Variants in TFAP4 observed in about 807,000 individuals in gnomAD.
TFAP4 encodes the protein activating enhancer-binding protein 4.
Under a neutral mutation model 40.4 loss-of-function variants are expected in TFAP4, and 7 were observed. The observed-to-expected ratio is 0.17, with a 90% CI of 0.10 to 0.33. The LOEUF (loss-of-function observed/expected upper bound fraction) is 0.33. Among genes scored for constraint, TFAP4 ranks in the 10% least tolerant of loss-of-function variants. TFAP4 has a pLI of 1.00. For synonymous variants in TFAP4, 218 were observed against 181.4 expected (o/e 1.20, Z -1.62); for missense variants, 374 against 451.1 (o/e 0.83, Z 1.55).
chr16:4,260,418 G>A lies in TFAP4; in HGVS notation c.666+37C>T, dbSNP rs74003265. On this transcript the variant is annotated intron_variant, in intron 5 of 6. Coordinates refer to ENST00000204517, the MANE Select transcript of TFAP4 (RefSeq NM_003223.3). The stretch of plus-strand genomic sequence containing the variant: ...ATTCAAGATCACCTGTCCCCTTCCC[G>A]GTCCCCAGAGCCCACTCCCGGGCGC... 2.6e-3 allele frequency: 4,029 copies of A among 1,538,916 alleles called. 101 individuals are homozygous for A. The African/African-American group carries it at 0.05, about 19-fold the overall frequency.
At position 4,260,230 on chromosome 16, in the gene TFAP4, C is replaced by A. The variant is rs201830089; in HGVS notation, c.682G>T (p.Ala228Ser). Residue 228 changes from alanine to serine, a missense_variant, in exon 6 of 7, where the codon GCC (alanine) becomes TCC (serine). Around this residue, in one of 6 missense-constraint regions of TFAP4, gnomAD observed 161 missense variants for 154.2 expected, o/e 1.04. Coordinates refer to ENST00000204517, the MANE Select transcript of TFAP4 (RefSeq NM_003223.3). Reference protein sequence around the residue: ...QLRTQLLPPPAPTHHPTVIVP... With the variant: ...QLRTQLLPPPSPTHHPTVIVP... ...ATCACCGTGGGGTGGTGGGTGGGGG[C>A]CGGAGGGGGCAGAAGCTGCAAGACA... is the stretch of plus-strand genomic sequence containing the variant. The A allele has an allele frequency of 6.5e-7, 1 of 1,546,782 alleles. No individual in the cohort carries two copies. Among genetic ancestry groups the A allele is most frequent in the Non-Finnish European group, 8.7e-7 (1 of 1,145,824 alleles).
At chr16:4,258,341 C>T in intron 6 of TFAP4, 92 bp from the exon 7 acceptor site, 3 of 1,273,510 alleles carry the variant, frequency 2.4e-6, no homozygotes, top group Non-Finnish European at 3.3e-6. Context: ...CTGTCACCCC[C>T]AAAACACATA....
chr16:4,267,476 G>A (rs1239784901), intron 1 of TFAP4, among the ~76,000 whole-genome samples: 2 of 152,230 alleles, frequency 1.3e-5, no homozygotes, highest in Non-Finnish European at 2.9e-5. Flanking sequence ...GGCAAGAGCC[G>A]CCACACCTAC....
intron 1 of TFAP4, among the ~76,000 whole-genome samples, chr16:4,272,189 G>A (rs1008625294): frequency 1.3e-4 from 19 of 151,536 alleles, no homozygotes; most frequent in Non-Finnish European, 2.4e-4. Context: ...CCCGCGCCGG[G>A]AGCCGCGGCA....
intron 1 of TFAP4, chr16:4,265,361 C>CCACTTTGGGAGG (rs2052984331): frequency 6.6e-6 from 1 of 152,386 alleles, no homozygotes; most frequent in African/African-American, 2.4e-5. Context: ...CACCTATAAT[C>CCACTTTGGGAGG]CTAGCACTTT....
intron 1 of TFAP4, chr16:4,266,899 T>C (rs1004162960): frequency 6.6e-6 from 1 of 152,290 alleles, no homozygotes; most frequent in Non-Finnish European, 1.5e-5. Flanking sequence ...TCTCGCTCTA[T>C]TGCCCAGGCT....
intron 1 of TFAP4, among the ~76,000 whole-genome samples, chr16:4,268,982 G>A (rs1280717405): frequency 1.3e-5 from 2 of 152,046 alleles, no homozygotes; most frequent in African/African-American, 4.8e-5. Flanking sequence ...CCAATTCCCA[G>A]GCTCAAGCCA....
chr16:4,265,609 C>CAAAAAAAAAAA (rs71394667), intron 1 of TFAP4: 4 of 39,092 alleles, frequency 1.0e-4, no homozygotes, highest in African/African-American at 3.3e-4. Flanking sequence ...GACCTTGTCT[C>CAAAAAAAAAAA]AAAAAAAAAA....
intron 1 of TFAP4, among the ~76,000 whole-genome samples, chr16:4,268,975 A>G (rs796309506): frequency 5.3e-5 from 8 of 151,516 alleles, no homozygotes; most frequent in South Asian, 2.1e-4. Context: ...GCAATCTCCA[A>G]TTCCCAGGCT....
At chr16:4,267,891 C>T (rs563735601) in intron 1 of TFAP4, among the ~76,000 whole-genome samples, 1 of 152,310 alleles carries the variant, frequency 6.6e-6, no homozygotes, top group East Asian at 1.9e-4. Flanking sequence ...CTGACCTGGC[C>T]AGTCTGCTGC....
rs879102899 is a variant in TFAP4, at chr16:4,258,148, G to C, written c.924C>G (p.Pro308=). ...CGGAGTCGGAGGCGGTGTCAGAGGTGGGGGCCTCCGGGCAGCTGCGGACAG... is the reference window on the plus strand; with the variant it reads ...CGGAGTCGGAGGCGGTGTCAGAGGTCGGGGCCTCCGGGCAGCTGCGGACAG... ...VKPVRSCPEA[P]TSDTASDSEA... The change falls in exon 7 of 7, where the codon CCC becomes CCG. Residue 308 remains proline (P), a synonymous_variant. Transcript: ENST00000204517. 3.1e-6 allele frequency: 5 copies of C among 1,613,972 alleles called. No individual in the cohort carries two copies. The South Asian group carries it at 5.5e-5, about 18-fold the overall frequency.
At chr16:4,259,945 G>C in intron 6 of TFAP4, 145 bp downstream of exon 6, 3 of 1,123,512 alleles carry the variant, frequency 2.7e-6, no homozygotes, top group Non-Finnish European at 3.6e-6. Context: ...TCCAGGGACG[G>C]GGCCCCCCAA....
At position 4,260,123 on chromosome 16, in the gene TFAP4, G is replaced by C. The variant is rs139081750; in HGVS notation, c.789C>G (p.Ser263=). The change falls in exon 6 of 7, where the codon TCC becomes TCG. Residue 263 remains serine (S), a synonymous_variant. Transcript: ENST00000204517. ...MGPSSVINSV[S]TSRQNLDTIV... Reference sequence around the variant, plus strand: ...TGGTGTCCAGATTTTGCCGGGATGTGGAAACAGAGTTGATGACCGAGGAGG... The same window carrying C: ...TGGTGTCCAGATTTTGCCGGGATGTCGAAACAGAGTTGATGACCGAGGAGG... 4.4e-4 allele frequency: 713 copies of C among 1,608,034 alleles called. 1 individual carries two copies. The African/African-American group carries it at 8.2e-3, about 18-fold the overall frequency.
Position 4,260,313 on chromosome 16 carries a change from A to C in TFAP4, c.667-68T>G, listed in dbSNP as rs2052935416. On this transcript the variant is annotated intron_variant, in intron 5 of 6. Transcript: ENST00000204517. ...TGGCCCATCCACCTCCCTTTCATGC[A>C]GAGCTGGCCAATGTATAACTGCCTC... 4 of 1,509,574 alleles carry C rather than the reference A, an allele frequency of 2.6e-6. No homozygotes were observed. In the African/African-American group the frequency reaches 4.2e-5, roughly 16 times the overall value. 93.5% of individuals were successfully genotyped at this position (1,509,574 alleles called of 1,614,324 possible).
chr16:4,257,905 C>A lies in TFAP4; in HGVS notation c.*150G>T, dbSNP rs1407138497. 13 of 788,222 alleles carry A rather than the reference C, an allele frequency of 1.6e-5. No individual in the cohort carries two copies. The highest frequency in any genetic ancestry group is 2.5e-5 in the Non-Finnish European group (13 of 511,224). 48.8% of individuals were successfully genotyped at this position (788,222 alleles called of 1,614,324 possible). ...GGGTTGAGTGGCTTCGTTCAAAGGT[C>A]GATTTACAGTATTGAAAAAGAGGTC... On this transcript the variant is annotated 3_prime_UTR_variant, in exon 7 of 7. Coordinates refer to ENST00000204517, the MANE Select transcript of TFAP4 (RefSeq NM_003223.3).
At chr16:4,268,454 A>G (rs251736) in intron 1 of TFAP4, among the ~76,000 whole-genome samples, 85,923 of 151,998 alleles carry the variant, frequency 0.57, 24,623 homozygotes, top group East Asian at 0.81. Context: ...CATCCTGTTC[A>G]TGGCTGTATC....
chr16:4,262,634 C>T lies in TFAP4; in HGVS notation c.157G>A (p.Ala53Thr). Residue 53 changes from alanine to threonine, a missense_variant, in exon 2 of 7, where the codon GCC becomes ACC. By Grantham distance (58) the Ala-to-Thr change is moderately conservative (BLOSUM62 0). This residue lies in a region of TFAP4 where 9 missense variants were observed against 38.6 expected (regional missense o/e 0.23). Coordinates refer to ENST00000204517, the MANE Select transcript of TFAP4 (RefSeq NM_003223.3). Reference sequence around the variant, plus strand: ...ATGCGTCTCCGCTCGTTGCTGTTGGCGATCTCCCGCCGAATCCGCCGCTCC... The same window carrying T: ...ATGCGTCTCCGCTCGTTGCTGTTGGTGATCTCCCGCCGAATCCGCCGCTCC... ...DQERRIRREI[A>T]NSNERRRMQS... 1.2e-6 allele frequency: 2 copies of T among 1,611,166 alleles called. No homozygotes were observed.
At position 4,262,655 on chromosome 16, in the gene TFAP4, G is replaced by T. The variant is rs1597312905; in HGVS notation, c.136C>A (p.Arg46=). 3.7e-6 allele frequency: 6 copies of T among 1,611,268 alleles called. No individual in the cohort carries two copies. Among genetic ancestry groups the T allele is most frequent in the South Asian group, 2.2e-5 (2 of 91,076 alleles). Residue 46 remains arginine (R), a synonymous_variant, in exon 2 of 7, where the codon CGG becomes AGG. Transcript: ENST00000204517. The part of the protein sequence containing the change: ...LTPETQRDQE[R]RIRREIANSN... Reference sequence around the variant, plus strand: ...TTGGCGATCTCCCGCCGAATCCGCCGCTCCTGGTCCCGCTGAGTCTCGGGG... The same window carrying T: ...TTGGCGATCTCCCGCCGAATCCGCCTCTCCTGGTCCCGCTGAGTCTCGGGG...
intron 1 of TFAP4, among the ~76,000 whole-genome samples, chr16:4,271,221 G>C (rs1456202463): frequency 6.6e-6 from 1 of 152,232 alleles, no homozygotes; most frequent in Admixed American, 6.5e-5. Context: ...GGTTGGGCAG[G>C]AGTGTCTACA....
Sources: allele counts gnomAD v4.1 joint callset (sites outside exome capture counted in the v4.1 genomes callset), GRCh38; gene constraint gnomAD v4.1.1; regional missense constraint gnomAD v4.1.1; transcripts MANE v1.5; gene names NCBI Gene and HGNC (gene_info 2026-07-23, HGNC 2026-07-21).